ZFYVE9: variants seen among roughly 807,000 people sequenced by gnomAD.
The protein encoded by ZFYVE9 is zinc finger FYVE domain-containing protein 9.
Under a neutral mutation model 126.7 loss-of-function variants are expected in ZFYVE9, and 43 were observed. The observed-to-expected ratio is 0.34, with a 90% confidence interval of 0.27 to 0.44. The LOEUF (loss-of-function observed/expected upper bound fraction) is 0.44. ZFYVE9 is among the 20% of genes least tolerant of loss of function. The probability of loss-of-function intolerance (pLI) is 1.00; values close to 1 mark genes in which losing one functional copy is unlikely to be tolerated. For synonymous variants in ZFYVE9, 521 were observed against 597.4 expected (o/e 0.87, Z 1.87); for missense variants, 1,476 against 1,697.0 (o/e 0.87, Z 2.29).
intron 10 of ZFYVE9, among the ~76,000 whole-genome samples, chr1:52,286,626 G>GT (rs1271784470): frequency 2.0e-5 from 3 of 152,158 alleles, no homozygotes; most frequent in African/African-American, 4.8e-5. Flanking sequence ...TTTTGTACCT[G>GT]TTTTTTTGCA....
intron 2 of ZFYVE9, among the ~76,000 whole-genome samples, chr1:52,217,226 G>T (rs1462939569): frequency 1.3e-5 from 2 of 152,154 alleles, no homozygotes; most frequent in Non-Finnish European, 2.9e-5. Flanking sequence ...GGGTTGGATT[G>T]CACAATCTAA....
chr1:52,196,082 G>A (rs531842231), intron 1 of ZFYVE9, among the ~76,000 whole-genome samples: 5 of 151,960 alleles, frequency 3.3e-5, no homozygotes, highest in Non-Finnish European at 5.9e-5. Context: ...GTGAGCCACC[G>A]TGCCCGGCCA....
At chr1:52,169,839 C>T (rs1009023251) in intron 1 of ZFYVE9, among the ~76,000 whole-genome samples, 1 of 152,166 alleles carries the variant, frequency 6.6e-6, no homozygotes, top group African/African-American at 2.4e-5. Context: ...TGTACCCTAA[C>T]TCCTTGCTAT....
At chr1:52,157,666 A>G (rs1377995069) in intron 1 of ZFYVE9, among the ~76,000 whole-genome samples, 1 of 151,926 alleles carries the variant, frequency 6.6e-6, no homozygotes, top group Non-Finnish European at 1.5e-5. Flanking sequence ...AGCCTCCCAG[A>G]GTGTGCTGGG....
chr1:52,150,585 T>C (rs185186267), intron 1 of ZFYVE9, among the ~76,000 whole-genome samples: 86 of 151,956 alleles, frequency 5.7e-4, no homozygotes, highest in African/African-American at 1.9e-3. Context: ...TGGCCAACAT[T>C]GTGAAACCCT....
chr1:52,152,637 T>C (rs1273859218), intron 1 of ZFYVE9, among the ~76,000 whole-genome samples: 2 of 152,224 alleles, frequency 1.3e-5, no homozygotes, highest in African/African-American at 4.8e-5. Flanking sequence ...TCTCCCAGCA[T>C]AGTGATTAAA....
intron 13 of ZFYVE9, among the ~76,000 whole-genome samples, chr1:52,313,884 G>A (rs528962752): frequency 2.6e-4 from 40 of 152,238 alleles, no homozygotes; most frequent in Non-Finnish European, 4.1e-4. Flanking sequence ...GAAAAAACTC[G>A]TGATCATGAA....
At chr1:52,274,681 T>C in intron 8 of ZFYVE9, 97 bp downstream of exon 8, 1 of 1,330,592 alleles carries the variant, frequency 7.5e-7, no homozygotes. Flanking sequence ...CATTCACCTT[T>C]CTCTTATCCA....
chr1:52,244,159 G>A lies in ZFYVE9; in HGVS notation c.2178+4564G>A, dbSNP rs149645927. On this transcript the variant is annotated intron_variant, in intron 4 of 18. Coordinates refer to ENST00000287727, the MANE Select transcript of ZFYVE9 (RefSeq NM_004799.4). ...GCCAGATGGGAATGGGTTGAAAGTG[G>A]AATATGAAGGGAGGAAGTGGTGATG... 7.6e-3 allele frequency among the ~76,000 whole-genome samples: 1,164 copies of A among 152,284 alleles called. 5 individuals carry two copies. Among genetic ancestry groups the A allele is most frequent in the Non-Finnish European group, 0.01 (702 of 68,030 alleles).
At chr1:52,257,423 A>T (rs1645532382) in intron 4 of ZFYVE9, among the ~76,000 whole-genome samples, 1 of 152,228 alleles carries the variant, frequency 6.6e-6, no homozygotes, top group African/African-American at 2.4e-5. Context: ...ATTTAAAAAA[A>T]TTACATATAA....
At chr1:52,281,859 C>A in intron 10 of ZFYVE9, 43 bp downstream of exon 10, 1 of 1,603,248 alleles carries the variant, frequency 6.2e-7, no homozygotes, top group Non-Finnish European at 8.5e-7. Context: ...TTGTAGATGA[C>A]AAAAAAATTT....
At chr1:52,199,310 G>A (rs144411831) in intron 1 of ZFYVE9, among the ~76,000 whole-genome samples, 2,134 of 152,114 alleles carry the variant, frequency 0.014, 53 homozygotes, top group African/African-American at 0.048. Flanking sequence ...TGATCCACCC[G>A]CCTCGGCTTC....
At position 52,340,181 on chromosome 1, in the gene ZFYVE9, T is replaced by C. The variant is rs757070656; in HGVS notation, c.3889T>C (p.Phe1297Leu). 4 of 1,613,896 alleles carry C rather than the reference T, an allele frequency of 2.5e-6. No homozygotes were observed. Among genetic ancestry groups the C allele is most frequent in the South Asian group, 1.1e-5 (1 of 91,070 alleles). ...SMETITNVKIFHGSEYKANGK... is the reference protein window; with the variant it reads ...SMETITNVKILHGSEYKANGK... ...GGAGACTATAACAAATGTGAAGATA[T>C]TCCATGGATCAGAATATAAAGCAAA... Residue 1297 changes from phenylalanine to leucine, a missense_variant, in exon 17 of 19, where the codon TTC becomes CTC. By Grantham distance (22) the Phe-to-Leu change is conservative (BLOSUM62 0). This residue lies in a region of ZFYVE9 where 669 missense variants were observed against 902.4 expected (regional missense o/e 0.74). Transcript: ENST00000287727.
chr1:52,198,603 A>T (rs1218918854), intron 1 of ZFYVE9, among the ~76,000 whole-genome samples: 1 of 152,212 alleles, frequency 6.6e-6, no homozygotes, highest in Non-Finnish European at 1.5e-5. Flanking sequence ...AGGCTATATG[A>T]TTTTGTGAAC....
intron 10 of ZFYVE9, among the ~76,000 whole-genome samples, chr1:52,291,730 T>G (rs1444603552): frequency 6.6e-6 from 1 of 151,224 alleles, no homozygotes; most frequent in Non-Finnish European, 1.5e-5. Flanking sequence ...ATACAAAAAT[T>G]AGCCAGGCGT....
intron 13 of ZFYVE9, among the ~76,000 whole-genome samples, chr1:52,315,557 A>G (rs1646175961): frequency 6.6e-6 from 1 of 152,250 alleles, no homozygotes; most frequent in Non-Finnish European, 1.5e-5. Context: ...GTGATGTGGT[A>G]TAATTTTACT....
chr1:52,308,953 T>C (rs1474507759), intron 13 of ZFYVE9, among the ~76,000 whole-genome samples: 1 of 152,134 alleles, frequency 6.6e-6, no homozygotes. Flanking sequence ...CTAATATAGA[T>C]AAAACAATAT....
intron 10 of ZFYVE9, among the ~76,000 whole-genome samples, chr1:52,287,519 C>A (rs1310041170): frequency 6.6e-6 from 1 of 151,844 alleles, no homozygotes; most frequent in Non-Finnish European, 1.5e-5. Context: ...GGAGGTGGGA[C>A]CTTTAAGAGG....
intron 1 of ZFYVE9, among the ~76,000 whole-genome samples, chr1:52,143,248 C>T (rs899544623): frequency 6.6e-6 from 1 of 152,188 alleles, no homozygotes; most frequent in African/African-American, 2.4e-5. Flanking sequence ...CTTTAAGTGC[C>T]AGCTACCCTA....
Sources: allele counts gnomAD v4.1 joint callset (sites outside exome capture counted in the v4.1 genomes callset), GRCh38; gene constraint gnomAD v4.1.1; regional missense constraint gnomAD v4.1.1; transcripts MANE v1.5; gene names NCBI Gene and HGNC (gene_info 2026-07-23, HGNC 2026-07-21).